Variants in EPHA7 observed in about 807,000 individuals in gnomAD.
EPHA7 encodes the protein ephrin type-A receptor 7.
In EPHA7, 25 loss-of-function variants were observed where a neutral mutation model predicts 112.6. The ratio of observed to expected loss-of-function variants is 0.22; its 90% CI spans 0.16 to 0.31. The LOEUF is 0.31. EPHA7 is among the 10% of genes least tolerant of loss of function. EPHA7 has a pLI of 1.00. For missense variants in EPHA7, 962 were observed against 1,212.6 expected (o/e 0.79, Z 3.07); for synonymous variants, 437 against 406.5 (o/e 1.07, Z -0.90).
intron 5 of EPHA7, among the ~76,000 whole-genome samples, chr6:93,291,725 G>A (rs1225172893): frequency 8.3e-6 from 1 of 120,948 alleles, no homozygotes. Flanking sequence ...CCGAGATCCC[G>A]CCACTGCACT....
intron 5 of EPHA7, among the ~76,000 whole-genome samples, chr6:93,339,306 C>T (rs897188103): frequency 6.6e-6 from 1 of 151,510 alleles, no homozygotes; most frequent in Non-Finnish European, 1.5e-5. Context: ...CTTTTGTAGT[C>T]CCGGTTATTG....
intron 3 of EPHA7, among the ~76,000 whole-genome samples, chr6:93,376,896 T>C (rs1777086871): frequency 6.6e-6 from 1 of 152,138 alleles, no homozygotes; most frequent in Non-Finnish European, 1.5e-5. Flanking sequence ...ACAAGCAGCA[T>C]TGCATCCCTA....
intron 3 of EPHA7, among the ~76,000 whole-genome samples, chr6:93,383,838 C>T (rs560279302): frequency 6.6e-6 from 1 of 152,238 alleles, no homozygotes; most frequent in South Asian, 2.1e-4. Flanking sequence ...GCTGAGGCTA[C>T]AGGAGTGTCA....
Position 93,241,000 on chromosome 6 carries a change from G to T in EPHA7, c.*2426C>A. ...CCCTTCTCCCCTTTCCCTGTAAAGA[G>T]CTGTAAAAAATTTAAGGCAGATGAG... is the stretch of plus-strand genomic sequence containing the variant. On this transcript the variant is annotated 3_prime_UTR_variant, in exon 17 of 17. Transcript: ENST00000369303. The T allele has an allele frequency of 4.7e-6, 1 of 212,682 alleles. No homozygotes were observed. The highest frequency in any genetic ancestry group is 2.3e-5 in the African/African-American group (1 of 44,364). 13.2% of individuals were successfully genotyped at this position (212,682 alleles called of 1,614,324 possible). A position where few individuals can be genotyped will look rare whatever the true frequency, so the allele number is the denominator to read the frequency against.
At position 93,257,529 on chromosome 6, in the gene EPHA7, AT is replaced by A; in HGVS notation, c.2111-7del. The stretch of plus-strand genomic sequence containing the variant: ...TACTATCATGACTGGTTTCCCTAAA[AT>A]TAAAAAAAAAAAGTTTCAGGAGTCG... On this transcript the variant is annotated splice_region_variant and splice_polypyrimidine_tract_variant and intron_variant, in intron 11 of 16. Transcript: ENST00000369303. 1 of 1,604,754 alleles carries A rather than the reference AT, an allele frequency of 6.2e-7. No individual in the cohort carries two copies. Among genetic ancestry groups the A allele is most frequent in the Non-Finnish European group, 8.5e-7 (1 of 1,175,822 alleles).
chr6:93,330,511 A>G (rs75288489), intron 5 of EPHA7, among the ~76,000 whole-genome samples: 1 of 151,254 alleles, frequency 6.6e-6, no homozygotes, highest in African/African-American at 2.4e-5. Flanking sequence ...TAGCCCTTAC[A>G]TATAAGTGAG....
chr6:93,313,673 T>C (rs561531470), intron 5 of EPHA7, among the ~76,000 whole-genome samples: 36 of 152,160 alleles, frequency 2.4e-4, no homozygotes, highest in African/African-American at 7.7e-4. Context: ...TTTTTTCATA[T>C]GATTTCTGAT....
intron 5 of EPHA7, among the ~76,000 whole-genome samples, chr6:93,339,063 G>T (rs559844383): frequency 6.6e-6 from 1 of 151,014 alleles, no homozygotes; most frequent in Admixed American, 6.6e-5. Context: ...AAAGTGTACA[G>T]GAATAAAATT....
chr6:93,241,412 C>A lies in EPHA7; in HGVS notation c.*2014G>T, dbSNP rs1260726668. On this transcript the variant is annotated 3_prime_UTR_variant, in exon 17 of 17. Coordinates refer to ENST00000369303, the MANE Select transcript of EPHA7 (RefSeq NM_004440.4). ...CAGACACTGAAAAATAACCCTCAAGCACATTGTGTTATAGTTCCAAAAATA... is the reference window on the plus strand; with the variant it reads ...CAGACACTGAAAAATAACCCTCAAGAACATTGTGTTATAGTTCCAAAAATA... 9.4e-6 allele frequency: 2 copies of A among 212,536 alleles called. No homozygotes were observed. Among genetic ancestry groups the A allele is most frequent in the African/African-American group, 4.5e-5 (2 of 44,268 alleles). The allele number at this position is 212,536 out of a possible 1,614,324, so 13.2% of individuals were successfully genotyped here. A position where few individuals can be genotyped will look rare whatever the true frequency, so the allele number is the denominator to read the frequency against.
In EPHA7 at chr6:93,356,917, T is replaced by C. The variant is rs1228469813; in HGVS notation, c.1124A>G (p.Glu375Gly). 2 of 1,614,022 alleles carry C rather than the reference T, an allele frequency of 1.2e-6. No individual in the cohort carries two copies. Among genetic ancestry groups the C allele is most frequent in the African/African-American group, 1.3e-5 (1 of 74,930 alleles). The change falls in exon 5 of 17, where the codon GAG (glutamate) becomes GGG (glycine). Residue 375 changes from glutamate (E) to glycine (G), a missense_variant. Transcript: ENST00000369303. ...CCCACAGGGAACACATTCGCCCTGCTCCCAACTGCACCGCTTACACAATAT... is the reference window on the plus strand; with the variant it reads ...CCCACAGGGAACACATTCGCCCTGCCCCCAACTGCACCGCTTACACAATAT... ...YRILCKRCSW[E>G]QGECVPCGSN...
intron 5 of EPHA7, among the ~76,000 whole-genome samples, chr6:93,322,675 C>G (rs900600522): frequency 6.6e-6 from 1 of 151,642 alleles, no homozygotes; most frequent in Non-Finnish European, 1.5e-5. Flanking sequence ...GACTATTTAA[C>G]TCTGATTATA....
chr6:93,375,866 GA>G (rs1053979373), intron 3 of EPHA7, among the ~76,000 whole-genome samples: 4 of 152,028 alleles, frequency 2.6e-5, no homozygotes, highest in Admixed American at 2.0e-4. Flanking sequence ...AGGCAACTAA[GA>G]AAAACAAAAG....
At chr6:93,293,246 G>T (rs992581007) in intron 5 of EPHA7, among the ~76,000 whole-genome samples, 7 of 150,866 alleles carry the variant, frequency 4.6e-5, no homozygotes, top group Non-Finnish European at 7.4e-5. Flanking sequence ...ATCTTATTTA[G>T]GTATTTTTAA....
At chr6:93,357,191 T>G (rs766976949) in intron 4 of EPHA7, 139 bp from the exon 5 acceptor site, 1 of 656,894 alleles carries the variant, frequency 1.5e-6, no homozygotes, top group Non-Finnish European at 2.5e-6. Context: ...AATGCTTTCT[T>G]TCACATAAAC....
chr6:93,394,607 C>T (rs1357800714), intron 3 of EPHA7, among the ~76,000 whole-genome samples: 1 of 151,748 alleles, frequency 6.6e-6, no homozygotes, highest in Admixed American at 6.6e-5. Flanking sequence ...TGATGAGATG[C>T]TGTCTTTTTA....
intron 3 of EPHA7, among the ~76,000 whole-genome samples, chr6:93,408,285 T>C (rs1226980139): frequency 6.6e-6 from 1 of 152,098 alleles, no homozygotes; most frequent in Non-Finnish European, 1.5e-5. Context: ...TGCAATAATG[T>C]TCCTAAAATT....
intron 5 of EPHA7, among the ~76,000 whole-genome samples, chr6:93,310,465 GACCA>G (rs1356309600): frequency 6.6e-6 from 1 of 152,128 alleles, no homozygotes; most frequent in Non-Finnish European, 1.5e-5. Context: ...TGGAGTTCAA[GACCA>G]GCCTGGCCAA....
chr6:93,243,171 T>C lies in EPHA7; in HGVS notation c.*255A>G, dbSNP rs777588718. 2 of 339,076 alleles carry C rather than the reference T, an allele frequency of 5.9e-6. No individual in the cohort carries two copies. Among genetic ancestry groups the C allele is most frequent in the East Asian group, 4.2e-5 (1 of 23,646 alleles). The allele number at this position is 339,076 out of a possible 1,614,324, so 21.0% of individuals were successfully genotyped here. A position where few individuals can be genotyped will look rare whatever the true frequency, so the allele number is the denominator to read the frequency against. ...AGGAGGTTAGAGAGCTCAAGGTGTT[T>C]GGATGTTTTTCAGGTAGTACTTTGT... On this transcript the variant is annotated 3_prime_UTR_variant, in exon 17 of 17. Coordinates refer to ENST00000369303, the MANE Select transcript of EPHA7 (RefSeq NM_004440.4).
At chr6:93,304,306 T>C (rs1773144284) in intron 5 of EPHA7, among the ~76,000 whole-genome samples, 1 of 152,020 alleles carries the variant, frequency 6.6e-6, no homozygotes, top group African/African-American at 2.4e-5. Context: ...TTCTCAGTTC[T>C]AGATTGAAGA....
Sources: gnomAD v4.1 joint callset for allele counts (sites outside exome capture counted in the v4.1 genomes callset) on GRCh38, gnomAD v4.1.1 for gene constraint, MANE v1.5 for transcripts, NCBI Gene and HGNC (gene_info 2026-07-23, HGNC 2026-07-21) for gene names.